Variants in ZNF892 observed in about 807,000 individuals in gnomAD.
ZNF892 encodes zinc finger protein 892.
the ZNF892 span, among the ~76,000 whole-genome samples, chr2:95,224,429 C>T: frequency 6.6e-6 from 1 of 152,118 alleles, no homozygotes; most frequent in Non-Finnish European, 1.5e-5. Flanking sequence ...GCTCACGGTT[C>T]CACAGGCTTT....
the ZNF892 span, among the ~76,000 whole-genome samples, chr2:95,231,446 A>C: frequency 2.0e-5 from 3 of 152,222 alleles, no homozygotes; most frequent in African/African-American, 7.2e-5. Context: ...GACATTCCTT[A>C]TCCTGATTGG....
chr2:95,223,036 A>G, the ZNF892 span, among the ~76,000 whole-genome samples: 1 of 152,210 alleles, frequency 6.6e-6, no homozygotes, highest in Non-Finnish European at 1.5e-5. Flanking sequence ...TTTTGTCAAC[A>G]ATTGATTGAT....
chr2:95,262,753 A>G, the ZNF892 span, among the ~76,000 whole-genome samples: 6 of 152,332 alleles, frequency 3.9e-5, no homozygotes, highest in East Asian at 1.2e-3. Flanking sequence ...GAGAGGAAAT[A>G]TATTTCGGCT....
chr2:95,227,211 C>T, the ZNF892 span, among the ~76,000 whole-genome samples: 5 of 149,738 alleles, frequency 3.3e-5, no homozygotes, highest in African/African-American at 1.2e-4. Flanking sequence ...TTATCTTTGT[C>T]TATGCATGTT....
chr2:95,234,148 T>G, the ZNF892 span, among the ~76,000 whole-genome samples: 1 of 152,132 alleles, frequency 6.6e-6, no homozygotes, highest in South Asian at 2.1e-4. Flanking sequence ...CCTCCTAGTT[T>G]TGTGAAATAT....
the ZNF892 span, among the ~76,000 whole-genome samples, chr2:95,216,557 T>C: frequency 6.6e-6 from 1 of 152,238 alleles, no homozygotes; most frequent in Non-Finnish European, 1.5e-5. Flanking sequence ...TATGAAAAAC[T>C]TGAAAAGATT....
At chr2:95,227,866 A>T in the ZNF892 span, among the ~76,000 whole-genome samples, 1 of 152,100 alleles carries the variant, frequency 6.6e-6, no homozygotes. Context: ...CATCCTGCCA[A>T]AGTGCTGGGA....
At chr2:95,229,740 A>T in the ZNF892 span, among the ~76,000 whole-genome samples, 1 of 152,170 alleles carries the variant, frequency 6.6e-6, no homozygotes, top group African/African-American at 2.4e-5. Flanking sequence ...GGGGGCTCTC[A>T]TGAATATAAG....
chr2:95,233,053 G>A, the ZNF892 span, among the ~76,000 whole-genome samples: 2 of 151,982 alleles, frequency 1.3e-5, no homozygotes, highest in African/African-American at 4.8e-5. Flanking sequence ...CTTTCCTGAG[G>A]GACGACTTCA....
At chr2:95,225,755 A>G in the ZNF892 span, among the ~76,000 whole-genome samples, 1 of 152,204 alleles carries the variant, frequency 6.6e-6, no homozygotes, top group Admixed American at 6.5e-5. Context: ...CTCATCTAAA[A>G]TCAGATATGG....
chr2:95,215,583 A>C, the ZNF892 span: 10 of 402,236 alleles, frequency 2.5e-5, no homozygotes, highest in African/African-American at 1.2e-4. Flanking sequence ...TGGCCAACAC[A>C]AGAGAATTCA....
chr2:95,224,879 C>T, the ZNF892 span, among the ~76,000 whole-genome samples: 1 of 152,184 alleles, frequency 6.6e-6, no homozygotes, highest in African/African-American at 2.4e-5. Context: ...GGAGTGGGTT[C>T]CTTACAAAAG....
the ZNF892 span, among the ~76,000 whole-genome samples, chr2:95,240,428 C>T: frequency 2.6e-5 from 4 of 152,214 alleles, no homozygotes; most frequent in Non-Finnish European, 4.4e-5. Context: ...CCATGCTTCT[C>T]CCATGGATCT....
chr2:95,206,619 T>TA, the ZNF892 span, among the ~76,000 whole-genome samples: 1 of 152,222 alleles, frequency 6.6e-6, no homozygotes, highest in East Asian at 1.9e-4. Flanking sequence ...TCATTATAAT[T>TA]AGATATACGG....
chr2:95,209,301 C>T, the ZNF892 span, among the ~76,000 whole-genome samples: 2 of 152,130 alleles, frequency 1.3e-5, no homozygotes, highest in African/African-American at 4.8e-5. Context: ...GGAGGTCTTC[C>T]GAGGATGTGT....
At chr2:95,217,998 T>G in the ZNF892 span, among the ~76,000 whole-genome samples, 1 of 152,240 alleles carries the variant, frequency 6.6e-6, no homozygotes, top group African/African-American at 2.4e-5. Flanking sequence ...CTAGTCTGGT[T>G]CTGTAGGATC....
chr2:95,252,406 G>C, the ZNF892 span, among the ~76,000 whole-genome samples: 4 of 152,198 alleles, frequency 2.6e-5, no homozygotes, highest in East Asian at 1.9e-4. Flanking sequence ...CCCTACAAAG[G>C]ACATGAACTC....
the ZNF892 span, among the ~76,000 whole-genome samples, chr2:95,261,601 A>G: frequency 1.3e-5 from 2 of 152,164 alleles, no homozygotes; most frequent in Non-Finnish European, 2.9e-5. Flanking sequence ...GGCCTCCACA[A>G]TTCTTTTAGT....
chr2:95,260,510 C>T, the ZNF892 span, among the ~76,000 whole-genome samples: 1 of 152,174 alleles, frequency 6.6e-6, no homozygotes, highest in African/African-American at 2.4e-5. Context: ...GGGGGCACTG[C>T]CTCCCTCACC....
Sources: allele counts gnomAD v4.1 joint callset (sites outside exome capture counted in the v4.1 genomes callset), GRCh38; gene constraint gnomAD v4.1.1; transcripts MANE v1.5; gene names NCBI Gene and HGNC (gene_info 2026-07-23, HGNC 2026-07-21).